Variants in LYST observed in about 807,000 individuals in gnomAD.
The protein encoded by LYST is lysosomal-trafficking regulator.
LYST carries 192 observed loss-of-function variants against 413.6 expected under a neutral mutation model. The ratio of observed to expected loss-of-function variants is 0.46; its 90% CI spans 0.41 to 0.52. The LOEUF is 0.52. Ranked by LOEUF, LYST falls within the 20% of genes least tolerant of loss-of-function variation. The pLI is 0.00. For missense variants in LYST, 3,815 were observed against 4,499.9 expected, an observed-to-expected ratio of 0.85 and a Z score of 4.35; for synonymous variants, 1,525 against 1,567.3, an observed-to-expected ratio of 0.97 and a Z score of 0.64.
chr1:235,813,007 C>G lies in LYST; in HGVS notation c.247G>C (p.Val83Leu), dbSNP rs1673627982. The change falls in exon 4 of 53, where the codon GTA becomes CTA. Residue 83 changes from valine to leucine, a missense_variant. Around this residue, in one of 4 missense-constraint regions of LYST, gnomAD observed 1,648 missense variants for 1,810.3 expected, o/e 0.91. Transcript: ENST00000389793. ...TCTTCTTGGACAGGTATCTTCCATA[C>G]CAGTGGAAGGAGAGACAGAAGAAGA... ...LTLLLSLLPL[V>L]WKIPVQEEKA... The G allele has an allele frequency of 6.2e-7, 1 of 1,611,824 alleles. No homozygotes were observed. Among genetic ancestry groups the G allele is most frequent in the Admixed American group, 1.7e-5 (1 of 59,970 alleles).
intron 18 of LYST, among the ~76,000 whole-genome samples, chr1:235,774,264 A>T (rs986541815): frequency 6.6e-6 from 1 of 152,212 alleles, no homozygotes; most frequent in Non-Finnish European, 1.5e-5. Context: ...AATTGAATTA[A>T]TCTGCTATTA....
At chr1:235,676,644 T>C (rs1450723859) in intron 50 of LYST, among the ~76,000 whole-genome samples, 1 of 152,200 alleles carries the variant, frequency 6.6e-6, no homozygotes, top group African/African-American at 2.4e-5. Context: ...GTTTCATAGA[T>C]GGAATGCTGC....
At chr1:235,735,486 TA>T (rs1430063594) in intron 31 of LYST, 1 of 152,160 alleles carries the variant, frequency 6.6e-6, no homozygotes, top group Non-Finnish European at 1.5e-5. Flanking sequence ...AGCACAGACC[TA>T]AACCAAACGT....
chr1:235,881,487 A>G (rs1438265358), intron 1 of LYST, among the ~76,000 whole-genome samples: 1 of 152,250 alleles, frequency 6.6e-6, no homozygotes, highest in African/African-American at 2.4e-5. Flanking sequence ...CATATCAAAG[A>G]GCGAAAGCAG....
chr1:235,823,758 T>C (rs184101412), intron 3 of LYST, among the ~76,000 whole-genome samples: 85 of 152,370 alleles, frequency 5.6e-4, no homozygotes, highest in African/African-American at 1.9e-3. Context: ...CCTGCCTCTT[T>C]ACATCGCCAA....
At chr1:235,731,200 G>A in intron 34 of LYST, 23 bp from the exon 35 acceptor site, 1 of 1,611,628 alleles carries the variant, frequency 6.2e-7, no homozygotes, top group Non-Finnish European at 8.5e-7. Flanking sequence ...AGATTAAAGG[G>A]TGTTTTAAGT....
At chr1:235,824,362 T>C (rs1263298701) in intron 3 of LYST, among the ~76,000 whole-genome samples, 2 of 152,236 alleles carry the variant, frequency 1.3e-5, no homozygotes, top group African/African-American at 4.8e-5. Flanking sequence ...ATATATATGT[T>C]GGCAATAGGG....
chr1:235,831,484 A>T (rs1675974642), intron 2 of LYST, among the ~76,000 whole-genome samples: 1 of 152,194 alleles, frequency 6.6e-6, no homozygotes, highest in Admixed American at 6.5e-5. Context: ...AGTCATTATG[A>T]GGTAGCTGAG....
chr1:235,759,556 A>T lies in LYST; in HGVS notation c.6297T>A (p.His2099Gln). ...CTGGTAGGCTTCTAGAACGCAGCAT[A>T]TGGGCGGCCATCTGTTGTGGAATAA... ...SNIIPQQMAA[H>Q]MLRSRSLPAF... The change falls in exon 23 of 53, where the codon CAT becomes CAA. Residue 2099 changes from histidine (H) to glutamine (Q), a missense_variant. Around this residue, in one of 4 missense-constraint regions of LYST, gnomAD observed 530 missense variants for 696.5 expected, o/e 0.76. Coordinates refer to ENST00000389793, the MANE Select transcript of LYST (RefSeq NM_000081.4). 1 of 1,613,602 alleles carries T rather than the reference A, an allele frequency of 6.2e-7. No individual in the cohort carries two copies. Among genetic ancestry groups the T allele is most frequent in the Non-Finnish European group, 8.5e-7 (1 of 1,179,580 alleles).
At chr1:235,797,010 C>A (rs974517349) in intron 10 of LYST, among the ~76,000 whole-genome samples, 1 of 152,102 alleles carries the variant, frequency 6.6e-6, no homozygotes, top group Non-Finnish European at 1.5e-5. Flanking sequence ...GAAATTAGAA[C>A]CCTTATACAC....
At chr1:235,858,720 C>T (rs970126924) in intron 1 of LYST, among the ~76,000 whole-genome samples, 3 of 152,178 alleles carry the variant, frequency 2.0e-5, no homozygotes, top group Non-Finnish European at 4.4e-5. Flanking sequence ...TTCCCACTAC[C>T]CCCTACTCAA....
At chr1:235,696,235 A>G (rs1184420570) in intron 46 of LYST, among the ~76,000 whole-genome samples, 1 of 152,220 alleles carries the variant, frequency 6.6e-6, no homozygotes, top group Non-Finnish European at 1.5e-5. Context: ...AATTTCTTTA[A>G]GTGACTGATG....
chr1:235,869,471 CA>C (rs113943265), upstream of LYST, among the ~76,000 whole-genome samples: 1,803 of 145,432 alleles, frequency 0.012, 44 homozygotes, highest in African/African-American at 0.042. Flanking sequence ...GACTCCGTCT[CA>C]AAAAAAAAAA....
chr1:235,775,481 A>T (rs1669140384), intron 17 of LYST, among the ~76,000 whole-genome samples: 1 of 152,216 alleles, frequency 6.6e-6, no homozygotes, highest in African/African-American at 2.4e-5. Context: ...AAGAGATAAG[A>T]TGTATCTATA....
At chr1:235,848,625 A>G (rs1355524192) in intron 1 of LYST, among the ~76,000 whole-genome samples, 1 of 152,188 alleles carries the variant, frequency 6.6e-6, no homozygotes, top group Admixed American at 6.5e-5. Flanking sequence ...TTGATATATC[A>G]TTAGCAAGAT....
At chr1:235,879,953 T>C (rs1375548977) in intron 1 of LYST, among the ~76,000 whole-genome samples, 1 of 152,150 alleles carries the variant, frequency 6.6e-6, no homozygotes, top group Non-Finnish European at 1.5e-5. Flanking sequence ...GCCAGGGTGA[T>C]CTCGAACTCC....
In LYST at chr1:235,716,728, T is replaced by A. The variant is rs546067886; in HGVS notation, c.9611A>T (p.Tyr3204Phe). Residue 3204 changes from tyrosine (Y) to phenylalanine (F), a missense_variant, in exon 41 of 53, where the codon TAT becomes TTT. By Grantham distance (22) the Tyr-to-Phe change is conservative. Around this residue, in one of 4 missense-constraint regions of LYST, gnomAD observed 866 missense variants for 1,156.0 expected, o/e 0.75. Transcript: ENST00000389793. ...AAAAGCTACCTTGTATGTGTCCACA[T>A]AACGATCTTCTTTTTCTTTATACTG... ...AVQYKEKEDRYVDTYKYLEEE... is the reference protein window; with the variant it reads ...AVQYKEKEDRFVDTYKYLEEE... The A allele has an allele frequency of 6.3e-7, 1 of 1,595,786 alleles. No individual in the cohort carries two copies. Among genetic ancestry groups the A allele is most frequent in the South Asian group, 1.1e-5 (1 of 90,302 alleles).
chr1:235,752,018 GT>G lies in LYST; in HGVS notation c.7613del (p.Asn2538ThrfsTer23). 6.2e-7 allele frequency: 1 copy of G among 1,608,980 alleles called. No individual in the cohort carries two copies. The highest frequency in any genetic ancestry group is 8.5e-7 in the Non-Finnish European group (1 of 1,176,360). On this transcript the variant is annotated frameshift_variant, in exon 27 of 53. Transcript: ENST00000389793. LOFTEE classifies it high-confidence loss of function. ...VMLGYLQNSK[N>X]KRTQNMAVAL... is the part of the protein sequence containing the mutation. ...ATTAAATCTTACTTTGTGTCCTCTTGTTTTTGCTATTTTGAAGATATCCAAG... is the reference window on the plus strand; with the variant it reads ...ATTAAATCTTACTTTGTGTCCTCTTGTTTTGCTATTTTGAAGATATCCAAG...
At chr1:235,851,413 AG>A (rs1678521673) in intron 1 of LYST, among the ~76,000 whole-genome samples, 1 of 145,354 alleles carries the variant, frequency 6.9e-6, no homozygotes, top group Non-Finnish European at 1.5e-5. Context: ...GAAGAGTGGG[AG>A]GGGGGCGAGG....
Sources: gnomAD v4.1 joint callset for allele counts (sites outside exome capture counted in the v4.1 genomes callset) on GRCh38, gnomAD v4.1.1 for gene constraint, gnomAD v4.1.1 regional missense constraint, MANE v1.5 for transcripts, NCBI Gene and HGNC (gene_info 2026-07-23, HGNC 2026-07-21) for gene names.